The following PLA2G4A variants were observed in gnomAD, a reference collection of about 807,000 sequenced individuals.
PLA2G4A encodes cytosolic phospholipase A2.
In PLA2G4A, 40 loss-of-function variants were observed where a neutral mutation model predicts 81.9. That is an observed-to-expected ratio of 0.49 (90% CI 0.38 to 0.64). PLA2G4A has a LOEUF of 0.64. Among genes scored for constraint, PLA2G4A ranks in the 30% least tolerant of loss-of-function variants. PLA2G4A has a pLI of 0.00. For synonymous variants in PLA2G4A, 302 were observed against 296.9 expected, an observed-to-expected ratio of 1.02 and a Z score of -0.18; for missense variants, 715 against 905.1, an observed-to-expected ratio of 0.79 and a Z score of 2.69.
intron 1 of PLA2G4A, among the ~76,000 whole-genome samples, chr1:186,849,684 C>G (rs1652306705): frequency 6.6e-6 from 1 of 152,112 alleles, no homozygotes; most frequent in African/African-American, 2.4e-5. Context: ...TGCTCACCCT[C>G]AATTATTCTT....
chr1:186,840,014 T>G (rs1239125181), intron 1 of PLA2G4A, among the ~76,000 whole-genome samples: 2 of 130,492 alleles, frequency 1.5e-5, no homozygotes, highest in East Asian at 5.0e-4. Context: ...CTCATTCTGT[T>G]GCCCAGGCTG....
At chr1:186,870,132 A>G (rs1157687588) in intron 2 of PLA2G4A, among the ~76,000 whole-genome samples, 1 of 152,140 alleles carries the variant, frequency 6.6e-6, no homozygotes, top group Non-Finnish European at 1.5e-5. Context: ...AACAAGTACA[A>G]AGCCTGATTG....
In PLA2G4A at chr1:186,911,329, G is replaced by A. The variant is rs1654933626; in HGVS notation, c.498G>A (p.Arg166=). 6.2e-7 allele frequency: 1 copy of A among 1,608,978 alleles called. No homozygotes were observed. Among genetic ancestry groups the A allele is most frequent in the South Asian group, 1.1e-5 (1 of 90,992 alleles). Residue 166 remains arginine (R), a synonymous_variant, in exon 7 of 18, where the codon AGG becomes AGA. Coordinates refer to ENST00000367466, the MANE Select transcript of PLA2G4A (RefSeq NM_024420.3). Reference sequence around the variant, plus strand: ...GACAACAGAGAAAAGAACACATAAGGGAGAGCATGAAGAAACTCTTGGGTC... The same window carrying A: ...GACAACAGAGAAAAGAACACATAAGAGAGAGCATGAAGAAACTCTTGGGTC... ...TFRQQRKEHI[R]ESMKKLLGPK...
chr1:186,891,142 T>C (rs1654122347), intron 3 of PLA2G4A, among the ~76,000 whole-genome samples: 1 of 152,156 alleles, frequency 6.6e-6, no homozygotes, highest in Non-Finnish European at 1.5e-5. Context: ...TTTTTTTCTT[T>C]TTTACTTTTT....
intron 2 of PLA2G4A, among the ~76,000 whole-genome samples, chr1:186,863,491 T>G (rs1402471576): frequency 6.6e-6 from 1 of 152,166 alleles, no homozygotes; most frequent in African/African-American, 2.4e-5. Context: ...ATCTTTGTGG[T>G]GAGCACATTA....
In PLA2G4A at chr1:186,988,398, G is replaced by C. The variant is rs1288171289; in HGVS notation, c.2140G>C (p.Glu714Gln). The change falls in exon 18 of 18, where the codon GAA becomes CAA. Residue 714 changes from glutamate to glutamine, a missense_variant. Coordinates refer to ENST00000367466, the MANE Select transcript of PLA2G4A (RefSeq NM_024420.3). The stretch of plus-strand genomic sequence containing the variant: ...GCAGGTGATAAAAGAAGCCATGGTT[G>C]AAAGCATTGAATATAGAAGACAGAA... Reference protein sequence around the residue: ...NIDVIKEAMVESIEYRRQNPS... With the variant: ...NIDVIKEAMVQSIEYRRQNPS... 8 of 1,611,790 alleles carry C rather than the reference G, an allele frequency of 5.0e-6. No individual in the cohort carries two copies. Among genetic ancestry groups the C allele is most frequent in the Non-Finnish European group, 5.9e-6 (7 of 1,178,270 alleles).
intron 15 of PLA2G4A, 136 bp downstream of exon 15, chr1:186,965,729 C>T (rs557481162): frequency 2.2e-5 from 16 of 733,432 alleles, no homozygotes; most frequent in South Asian, 8.9e-5. Flanking sequence ...AGTTCTAAAA[C>T]GCAAACATGG....
At position 186,865,733 on chromosome 1, in the gene PLA2G4A, G is replaced by A. The variant is rs559072191; in HGVS notation, c.34-4702G>A. On this transcript the variant is annotated intron_variant, in intron 2 of 17. Transcript: ENST00000367466. ...TTGGTTCTTGTCTTATAACAGTAGA[G>A]TTTTAAACAGATTAGGAAGATCATC... Among the ~76,000 whole-genome samples the A allele has an allele frequency of 9.9e-5, 15 of 152,248 alleles. No homozygotes were observed. The East Asian group carries it at 2.9e-3, about 29-fold the overall frequency.
intron 3 of PLA2G4A, among the ~76,000 whole-genome samples, chr1:186,887,035 C>T (rs10911948): frequency 0.036 from 5,444 of 152,192 alleles, 314 homozygotes; most frequent in African/African-American, 0.12. Flanking sequence ...GCATTTTTAA[C>T]GGCACTGCAG....
At position 186,958,648 on chromosome 1, in the gene PLA2G4A, C is replaced by T. The variant is rs1033453023; in HGVS notation, c.1579+2304C>T. 2.0e-5 allele frequency among the ~76,000 whole-genome samples: 3 copies of T among 152,312 alleles called. No individual in the cohort carries two copies. The East Asian group carries it at 5.8e-4, about 29-fold the overall frequency. ...CTTTTCCCTTGGCCACATACCATTC[C>T]CCTTAGCCCTTGGTTTTCTTAGTCA... On this transcript the variant is annotated intron_variant, in intron 14 of 17. Transcript: ENST00000367466.
intron 7 of PLA2G4A, among the ~76,000 whole-genome samples, chr1:186,921,852 T>TG (rs748393265): frequency 2.6e-5 from 4 of 152,048 alleles, no homozygotes; most frequent in Admixed American, 6.6e-5. Flanking sequence ...TTGACCACTG[T>TG]GGGGGGTCCA....
At chr1:186,885,038 C>G (rs1653883462) in intron 3 of PLA2G4A, among the ~76,000 whole-genome samples, 1 of 152,024 alleles carries the variant, frequency 6.6e-6, no homozygotes, top group Non-Finnish European at 1.5e-5. Flanking sequence ...AATAATCCAG[C>G]AGAGCTTTGT....
chr1:186,918,758 C>G (rs1039207716), intron 7 of PLA2G4A, among the ~76,000 whole-genome samples: 1 of 152,202 alleles, frequency 6.6e-6, no homozygotes, highest in Non-Finnish European at 1.5e-5. Context: ...TTACAGACTT[C>G]AATAGTTATG....
At chr1:186,910,368 T>TAG (rs1654897227) in intron 6 of PLA2G4A, among the ~76,000 whole-genome samples, 1 of 152,182 alleles carries the variant, frequency 6.6e-6, no homozygotes, top group Admixed American at 6.5e-5. Flanking sequence ...CACTCCAACA[T>TAG]AGGCTGACAG....
chr1:186,830,944 TGCTTGCTTGCTTGCTTTCTTTC>T (rs1651539147), intron 1 of PLA2G4A, among the ~76,000 whole-genome samples: 1 of 42,822 alleles, frequency 2.3e-5, no homozygotes, highest in African/African-American at 8.1e-5. Context: ...ATAGCTTGCT[TGCTTGCTTGCTTGCTTTCTTTC>T]TTTCTTTCTT....
chr1:186,907,276 G>C (rs1654772093), intron 6 of PLA2G4A, among the ~76,000 whole-genome samples: 8 of 151,988 alleles, frequency 5.3e-5, no homozygotes, highest in Admixed American at 5.2e-4. Flanking sequence ...CTTTATGAAA[G>C]AGTCCTCCCT....
At chr1:186,974,218 T>C (rs1386614690) in intron 15 of PLA2G4A, among the ~76,000 whole-genome samples, 1 of 152,202 alleles carries the variant, frequency 6.6e-6, no homozygotes, top group Admixed American at 6.5e-5. Context: ...TTTACAATAT[T>C]CATTTCTATG....
chr1:186,853,837 G>A (rs1181127070), intron 1 of PLA2G4A, among the ~76,000 whole-genome samples: 2 of 151,848 alleles, frequency 1.3e-5, no homozygotes, highest in South Asian at 2.1e-4. Flanking sequence ...CAACATGAAT[G>A]TACTTTTATA....
intron 14 of PLA2G4A, among the ~76,000 whole-genome samples, chr1:186,961,974 G>C (rs1194989973): frequency 6.6e-6 from 1 of 152,156 alleles, no homozygotes; most frequent in Admixed American, 6.5e-5. Context: ...TGAGTAGCAT[G>C]ATGAACTCTC....
Sources: gnomAD v4.1 joint callset for allele counts (sites outside exome capture counted in the v4.1 genomes callset) on GRCh38, gnomAD v4.1.1 for gene constraint, MANE v1.5 for transcripts, NCBI Gene and HGNC (gene_info 2026-07-23, HGNC 2026-07-21) for gene names.